Variants in FARS2 observed in about 807,000 individuals in gnomAD.
FARS2 encodes the protein phenylalanine--tRNA ligase, mitochondrial.
Under a neutral mutation model 46.4 loss-of-function variants are expected in FARS2, and 40 were observed. The ratio of observed to expected loss-of-function variants is 0.86; its 90% confidence interval spans 0.67 to 1.12. FARS2 has a LOEUF of 1.12. Ranked by LOEUF, FARS2 falls within the 50% of genes most tolerant of loss-of-function variation. The probability of loss-of-function intolerance (pLI) is 0.00; values close to 1 mark genes in which losing one functional copy is unlikely to be tolerated. For missense variants in FARS2, 513 were observed against 567.9 expected, an observed-to-expected ratio of 0.90 and a Z score of 0.98; for synonymous variants, 234 against 214.9, an observed-to-expected ratio of 1.09 and a Z score of -0.78.
Position 5,339,071 on chromosome 6 carries a change from A to C in FARS2, c.-21-29479A>C, listed in dbSNP as rs11967544. Among the ~76,000 whole-genome samples, 1,028 of 152,296 alleles carry C rather than the reference A, an allele frequency of 6.8e-3. 12 individuals are homozygous for C. The highest frequency in any genetic ancestry group is 0.024 in the African/African-American group (988 of 41,514). ...TCATTTCAAACATTAAAAAACATTA[A>C]AAATACACCAAAAGGATCAGAAAAA... is the stretch of plus-strand genomic sequence containing the variant. On this transcript the variant is annotated intron_variant, in intron 1 of 6. Coordinates refer to ENST00000274680, the MANE Select transcript of FARS2 (RefSeq NM_006567.5).
upstream of FARS2, among the ~76,000 whole-genome samples, chr6:5,257,680 T>C (rs1479375487): frequency 6.6e-6 from 1 of 152,164 alleles, no homozygotes; most frequent in East Asian, 1.9e-4. Context: ...TTGTGAACTG[T>C]GCATGTGAGT....
At chr6:5,277,141 C>A (rs550650911) in intron 1 of FARS2, among the ~76,000 whole-genome samples, 1 of 151,968 alleles carries the variant, frequency 6.6e-6, no homozygotes, top group African/African-American at 2.4e-5. Flanking sequence ...GCACAGATAG[C>A]GAGTGCAGCG....
At chr6:5,576,649 T>G (rs544469599) in intron 5 of FARS2, among the ~76,000 whole-genome samples, 147 of 149,024 alleles carry the variant, frequency 9.9e-4, no homozygotes, top group African/African-American at 3.5e-3. Flanking sequence ...ATATATATCC[T>G]ATTAGTTCTG....
intron 5 of FARS2, among the ~76,000 whole-genome samples, chr6:5,568,019 TA>T (rs1223766309): frequency 2.3e-4 from 35 of 152,200 alleles, no homozygotes; most frequent in Admixed American, 2.2e-3. Flanking sequence ...CTTGCCAGCT[TA>T]AAAAAGTTGT....
At chr6:5,348,000 A>G (rs1350620072) in intron 1 of FARS2, among the ~76,000 whole-genome samples, 1 of 152,124 alleles carries the variant, frequency 6.6e-6, no homozygotes, top group African/African-American at 2.4e-5. Flanking sequence ...GTGTTTGTTC[A>G]AATCTTTTAT....
At chr6:5,565,432 T>G (rs894291196) in intron 5 of FARS2, among the ~76,000 whole-genome samples, 1 of 152,164 alleles carries the variant, frequency 6.6e-6, no homozygotes, top group Non-Finnish European at 1.5e-5. Flanking sequence ...CCTGTTAAAG[T>G]CCTTAATATA....
At chr6:5,541,161 T>G (rs7751261) in intron 4 of FARS2, among the ~76,000 whole-genome samples, 129,575 of 152,162 alleles carry the variant, frequency 0.85, 55,409 homozygotes, top group East Asian at 0.99. Flanking sequence ...ATTTAAATCA[T>G]TACACCTCAA....
At chr6:5,739,965 A>G (rs890770885) in intron 6 of FARS2, among the ~76,000 whole-genome samples, 1 of 152,226 alleles carries the variant, frequency 6.6e-6, no homozygotes, top group Non-Finnish European at 1.5e-5. Context: ...TGACCCAATT[A>G]TACAGACAAA....
rs1272711232 is a variant in FARS2, at chr6:5,486,277, C to T, written c.904+55105C>T. ...GATTATCATCCTCACTACAGGACAC[C>T]TGGGAAGTCAGAGATGAGGTTTTGG... On this transcript the variant is annotated intron_variant, in intron 4 of 6. Transcript: ENST00000274680. Among the ~76,000 whole-genome samples, 4 of 151,958 alleles carry T rather than the reference C, an allele frequency of 2.6e-5. No homozygotes were observed. The East Asian group carries it at 7.7e-4, about 29-fold the overall frequency.
At chr6:5,274,784 C>T (rs917890846) in intron 1 of FARS2, among the ~76,000 whole-genome samples, 7 of 152,144 alleles carry the variant, frequency 4.6e-5, no homozygotes, top group African/African-American at 1.7e-4. Context: ...AGTCATGGCT[C>T]ACTGCAGCCT....
chr6:5,415,796 C>T (rs1037133576), intron 3 of FARS2, among the ~76,000 whole-genome samples: 1 of 152,192 alleles, frequency 6.6e-6, no homozygotes, highest in African/African-American at 2.4e-5. Context: ...CATCCTTGAC[C>T]TCCCAGGTCA....
chr6:5,432,408 T>TATATATA (rs1477637335), intron 4 of FARS2, among the ~76,000 whole-genome samples: 1 of 122,718 alleles, frequency 8.1e-6, no homozygotes, highest in African/African-American at 3.0e-5. Context: ...TATTATGTAT[T>TATATATA]ATATATAATA....
intron 4 of FARS2, among the ~76,000 whole-genome samples, chr6:5,518,535 G>A (rs1423326476): frequency 6.6e-6 from 1 of 152,166 alleles, no homozygotes; most frequent in Non-Finnish European, 1.5e-5. Context: ...AGAAGTATAG[G>A]AAGCAGAAAT....
In FARS2 at chr6:5,519,762, A is replaced by G. The variant is rs974263228; in HGVS notation, c.905-25418A>G. On this transcript the variant is annotated intron_variant, in intron 4 of 6. Coordinates refer to ENST00000274680, the MANE Select transcript of FARS2 (RefSeq NM_006567.5). ...AAACAAGTATCTCCTTATGTCATCAAATTTATTTGTCTGGTTGTAGATACC... is the reference window on the plus strand; with the variant it reads ...AAACAAGTATCTCCTTATGTCATCAGATTTATTTGTCTGGTTGTAGATACC... Among the ~76,000 whole-genome samples, 8 of 152,264 alleles carry G rather than the reference A, an allele frequency of 5.3e-5. 1 individual carries two copies. The East Asian group carries it at 1.5e-3, about 29-fold the overall frequency.
chr6:5,415,892 A>G (rs1452795577), intron 3 of FARS2, among the ~76,000 whole-genome samples: 4 of 152,040 alleles, frequency 2.6e-5, no homozygotes, highest in East Asian at 3.9e-4. Flanking sequence ...TATTTTGTAG[A>G]GATGGGGTCT....
intron 4 of FARS2, among the ~76,000 whole-genome samples, chr6:5,443,836 A>G (rs1763978035): frequency 6.6e-6 from 1 of 152,224 alleles, no homozygotes; most frequent in African/African-American, 2.4e-5. Flanking sequence ...CTCTTCCAAA[A>G]TCATTTCACA....
intron 5 of FARS2, among the ~76,000 whole-genome samples, chr6:5,605,239 G>T (rs939907816): frequency 6.6e-6 from 1 of 152,176 alleles, no homozygotes; most frequent in East Asian, 1.9e-4. Context: ...CTGCAGGATC[G>T]CTAGCCGGGA....
intron 1 of FARS2, among the ~76,000 whole-genome samples, chr6:5,268,309 GT>G (rs943717932): frequency 2.6e-5 from 4 of 151,896 alleles, no homozygotes; most frequent in African/African-American, 4.8e-5. Flanking sequence ...TATTGCCTAG[GT>G]TTTCTTCTAG....
At chr6:5,701,574 C>T (rs1180438035) in intron 6 of FARS2, among the ~76,000 whole-genome samples, 1 of 152,238 alleles carries the variant, frequency 6.6e-6, no homozygotes, top group African/African-American at 2.4e-5. Context: ...ACCAGGTTCT[C>T]TCTCACAAAC....
Sources: allele counts gnomAD v4.1 joint callset (sites outside exome capture counted in the v4.1 genomes callset), GRCh38; gene constraint gnomAD v4.1.1; transcripts MANE v1.5; gene names NCBI Gene and HGNC (gene_info 2026-07-23, HGNC 2026-07-21).